PCDH11X: variants seen among roughly 807,000 people sequenced by gnomAD.
PCDH11X encodes protocadherin 11 X-linked.
A neutral mutation model predicts 53.3 loss-of-function variants in PCDH11X; 18 were observed. The observed-to-expected ratio is 0.34, with a 90% CI of 0.23 to 0.50. The LOEUF is 0.50. Ranked by LOEUF, PCDH11X falls within the 20% of genes least tolerant of loss-of-function variation. The probability of loss-of-function intolerance (pLI) is 0.98; values close to 1 mark genes in which losing one functional copy is unlikely to be tolerated. For missense variants in PCDH11X, 570 were observed against 1,032.4 expected, an observed-to-expected ratio of 0.55 and a Z score of 6.14; for synonymous variants, 279 against 393.3, an observed-to-expected ratio of 0.71 and a Z score of 3.44.
chrX:92,242,768 G>A (rs1040173906), intron 7 of PCDH11X, among the ~76,000 whole-genome samples: 1 of 110,620 alleles, frequency 9.0e-6, no homozygotes, highest in African/African-American at 3.3e-5. Flanking sequence ...CCAGCATTTG[G>A]TGGTATTATT....
At chrX:91,975,660 A>T (rs1322022179) in intron 6 of PCDH11X, among the ~76,000 whole-genome samples, 1 of 110,851 alleles carries the variant, frequency 9.0e-6, no homozygotes. Context: ...TAAAAGTAAG[A>T]GGAAAACCTG....
At chrX:92,303,114 G>T (rs1398575435) in intron 8 of PCDH11X, among the ~76,000 whole-genome samples, 1 of 109,475 alleles carries the variant, frequency 9.1e-6, no homozygotes, top group Non-Finnish European at 1.9e-5. Context: ...GGCTCTTGAG[G>T]TATGAGAGCA....
chrX:92,408,640 G>A (rs2071576445), intron 9 of PCDH11X, among the ~76,000 whole-genome samples: 1 of 110,455 alleles, frequency 9.1e-6, no homozygotes, highest in Non-Finnish European at 1.9e-5. Flanking sequence ...GTGCAGTGGC[G>A]CGATCGATCT....
At chrX:92,300,600 C>T (rs1163260200) in intron 8 of PCDH11X, among the ~76,000 whole-genome samples, 1 of 110,724 alleles carries the variant, frequency 9.0e-6, no homozygotes, top group East Asian at 2.8e-4. Flanking sequence ...GCCTCAGCCT[C>T]CCGAGTAGCT....
At chrX:92,228,210 G>GGACT (rs772718360) in intron 7 of PCDH11X, among the ~76,000 whole-genome samples, 17 of 111,433 alleles carry the variant, frequency 1.5e-4, no homozygotes, top group Non-Finnish European at 3.0e-4. Context: ...CTATTACGCT[G>GGACT]GACTACTCAA....
chrX:92,159,462 G>A (rs3853035), intron 6 of PCDH11X, among the ~76,000 whole-genome samples: 6,875 of 106,076 alleles, frequency 0.065, 589 homozygotes, highest in African/African-American at 0.22. Context: ...TCTGAGTAAC[G>A]GCCAGTATAG....
In PCDH11X at chrX:92,001,396, A is replaced by C. The variant is rs761350519; in HGVS notation, c.3033+122123A>C. 6.3e-5 allele frequency among the ~76,000 whole-genome samples: 7 copies of C among 110,527 alleles called. No individual in the cohort carries two copies. In the South Asian group the frequency reaches 2.6e-3, roughly 42 times the overall value. ...GTCTTGTTTTGAGAAATGTCTATTC[A>C]AATCTTTTGCTCATTTTTTGATTGG... On this transcript the variant is annotated intron_variant, in intron 6 of 10. Coordinates refer to ENST00000682573, the MANE Select transcript of PCDH11X (RefSeq NM_032968.5).
intron 9 of PCDH11X, among the ~76,000 whole-genome samples, chrX:92,411,613 T>C (rs1437300910): frequency 9.1e-6 from 1 of 109,625 alleles, no homozygotes; most frequent in African/African-American, 3.3e-5. Flanking sequence ...GAACTCATTC[T>C]TTTTTTTATG....
intron 7 of PCDH11X, among the ~76,000 whole-genome samples, chrX:92,243,052 A>G (rs1223023372): frequency 1.8e-5 from 2 of 111,160 alleles, no homozygotes; most frequent in African/African-American, 3.3e-5. Flanking sequence ...TTTTCTGCCA[A>G]TCTTCTCACA....
At chrX:92,270,547 A>G (rs1277570763) in intron 8 of PCDH11X, among the ~76,000 whole-genome samples, 1 of 111,878 alleles carries the variant, frequency 8.9e-6, no homozygotes, top group Admixed American at 9.5e-5. Context: ...TACTTTGCCA[A>G]TGTGAAGGAC....
intron 5 of PCDH11X, among the ~76,000 whole-genome samples, chrX:91,860,174 T>A (rs965659737): frequency 2.7e-5 from 3 of 110,400 alleles, no homozygotes; most frequent in Admixed American, 9.7e-5. Flanking sequence ...CTTGAAGAGG[T>A]CTTTCATTTC....
In PCDH11X at chrX:92,413,675, T is replaced by A. The variant is rs1160697588; in HGVS notation, c.3343+25742T>A. ...ATTGCAGCCTGCAGAGTGGCCGTTG[T>A]GACAGGCTGGGAAGGCTAGCCTCCA... On this transcript the variant is annotated intron_variant, in intron 9 of 10. Coordinates refer to ENST00000682573, the MANE Select transcript of PCDH11X (RefSeq NM_032968.5). Among the ~76,000 whole-genome samples, 3 of 109,861 alleles carry A rather than the reference T, an allele frequency of 2.7e-5. No homozygotes were observed. The East Asian group carries it at 8.6e-4, about 32-fold the overall frequency.
intron 9 of PCDH11X, among the ~76,000 whole-genome samples, chrX:92,436,639 A>G (rs1484732629): frequency 8.9e-6 from 1 of 111,790 alleles, no homozygotes; most frequent in Non-Finnish European, 1.9e-5. Context: ...ATGCAGTCAT[A>G]CAAATAATGA....
At chrX:92,044,251 G>A (rs1445651657) in intron 6 of PCDH11X, among the ~76,000 whole-genome samples, 6 of 104,497 alleles carry the variant, frequency 5.7e-5, no homozygotes, top group South Asian at 8.9e-4. Context: ...GCTGAAGGCT[G>A]AATTGAGATG....
chrX:92,606,256 A>AC (rs1245663711), intron 10 of PCDH11X, among the ~76,000 whole-genome samples: 3 of 106,549 alleles, frequency 2.8e-5, no homozygotes, highest in Non-Finnish European at 5.8e-5. Context: ...AAAAAAAAAA[A>AC]AGACGCTAAT....
intron 6 of PCDH11X, among the ~76,000 whole-genome samples, chrX:91,945,676 T>C (rs1602539898): frequency 9.4e-6 from 1 of 105,893 alleles, no homozygotes; most frequent in East Asian, 3.0e-4. Flanking sequence ...ATAATAAATA[T>C]TATAAGTAAA....
In PCDH11X at chrX:92,536,653, C is replaced by CTT. The variant is rs57786279; in HGVS notation, c.3367+68352_3367+68353dup. ...TATTGCCTGTCTCTTGGATAAAAGC[C>CTT]TTTTTTTTTTTTTTTTTTTTTTGAG... On this transcript the variant is annotated intron_variant, in intron 10 of 10. Coordinates refer to ENST00000682573, the MANE Select transcript of PCDH11X (RefSeq NM_032968.5). Among the ~76,000 whole-genome samples the CTT allele has an allele frequency of 5.6e-3, 280 of 49,782 alleles. 1 individual carries two copies. The highest frequency in any genetic ancestry group is 7.8e-3 in the Non-Finnish European group (211 of 27,173). 43.2% of individuals were successfully genotyped at this position (49,782 alleles called of 115,157 possible). A position where few individuals can be genotyped will look rare whatever the true frequency, so the allele number is the denominator to read the frequency against.
chrX:91,999,748 C>T (rs1270931456), intron 6 of PCDH11X, among the ~76,000 whole-genome samples: 1 of 109,011 alleles, frequency 9.2e-6, no homozygotes, highest in Non-Finnish European at 1.9e-5. Context: ...TTTGTAATAA[C>T]TAATCTCATT....
intron 6 of PCDH11X, among the ~76,000 whole-genome samples, chrX:92,160,505 G>T (rs930162722): frequency 7.3e-5 from 8 of 108,896 alleles, no homozygotes; most frequent in African/African-American, 2.7e-4. Context: ...CCTTTTTATG[G>T]CTGAGTAGTA....
Sources: gnomAD v4.1 joint callset for allele counts (sites outside exome capture counted in the v4.1 genomes callset) on GRCh38, gnomAD v4.1.1 for gene constraint, MANE v1.5 for transcripts, NCBI Gene and HGNC (gene_info 2026-07-23, HGNC 2026-07-21) for gene names.